Variants in CSRP3 observed in about 807,000 individuals in gnomAD.
CSRP3 encodes the protein cysteine and glycine-rich protein 3.
A neutral mutation model predicts 24.3 loss-of-function variants in CSRP3; 24 were observed. That is an observed-to-expected ratio of 0.99 (90% CI 0.71 to 1.39). The LOEUF (loss-of-function observed/expected upper bound fraction) is 1.39, where lower values mean the gene tolerates loss of function less well. Ranked by LOEUF, CSRP3 falls within the 40% of genes most tolerant of loss-of-function variation. CSRP3 has a pLI of 0.00. For missense variants in CSRP3, 240 were observed against 249.0 expected (o/e 0.96, Z 0.24); for synonymous variants, 105 against 94.0 (o/e 1.12, Z -0.68).
In CSRP3 at chr11:19,182,483, T is replaced by C; in HGVS notation, c.*187A>G. On this transcript the variant is annotated 3_prime_UTR_variant, in exon 6 of 6. Coordinates refer to ENST00000265968, the MANE Select transcript of CSRP3 (RefSeq NM_003476.5). Reference sequence around the variant, plus strand: ...TAAATAATAAAGCATTTGTTATAGATTAAACTTTACATAATTTTCTTCCAA... The same window carrying C: ...TAAATAATAAAGCATTTGTTATAGACTAAACTTTACATAATTTTCTTCCAA... The C allele has an allele frequency of 1.6e-6, 1 of 644,172 alleles. No individual in the cohort carries two copies. Among genetic ancestry groups the C allele is most frequent in the South Asian group, 1.8e-5 (1 of 55,286 alleles). The allele number at this position is 644,172 out of a possible 1,614,324, so 39.9% of individuals were successfully genotyped here. A position where few individuals can be genotyped will look rare whatever the true frequency, so the allele number is the denominator to read the frequency against.
chr11:19,189,917 T>C (rs1053973885), intron 2 of CSRP3, among the ~76,000 whole-genome samples: 2 of 152,212 alleles, frequency 1.3e-5, no homozygotes, highest in African/African-American at 4.8e-5. Flanking sequence ...TGTGTACACT[T>C]GTCTCTACCC....
At chr11:19,188,744 T>TGA (rs1482824577) in intron 2 of CSRP3, among the ~76,000 whole-genome samples, 1 of 152,046 alleles carries the variant, frequency 6.6e-6, no homozygotes, top group Non-Finnish European at 1.5e-5. Context: ...GAGCACTTTC[T>TGA]GTACTTACCA....
chr11:19,186,015 C>G (rs1850518919), intron 4 of CSRP3, among the ~76,000 whole-genome samples: 1 of 152,144 alleles, frequency 6.6e-6, no homozygotes, highest in Admixed American at 6.5e-5. Flanking sequence ...TCAAACTGCA[C>G]CAGTTCCAGC....
intron 3 of CSRP3, 63 bp downstream of exon 3, chr11:19,188,073 G>A (rs1253665988): frequency 7.5e-6 from 12 of 1,601,064 alleles, no homozygotes; most frequent in Middle Eastern, 1.7e-4. Context: ...CTATGGGAAC[G>A]AAATGAACTG....
At chr11:19,197,822 CATAT>C (rs5790061) in intron 1 of CSRP3, among the ~76,000 whole-genome samples, 138,458 of 150,758 alleles carry the variant, frequency 0.92, 63,878 homozygotes, top group East Asian at 1. Flanking sequence ...ATCATAGGAA[CATAT>C]ATATATATAT....
In CSRP3 at chr11:19,192,313, C is replaced by T. The variant is rs369736950; in HGVS notation, c.112+24G>A. The T allele has an allele frequency of 8.6e-5, 135 of 1,576,174 alleles. 1 individual carries two copies. The African/African-American group carries it at 1.5e-3, about 18-fold the overall frequency. ...TGATGCTGTCCGGATGCTGAGGGGC[C>T]CCCAGGGTGTCCACCCAACTCACTG... On this transcript the variant is annotated intron_variant, in intron 2 of 5. Transcript: ENST00000265968.
chr11:19,200,440 C>A (rs1368379660), intron 1 of CSRP3, among the ~76,000 whole-genome samples: 1 of 152,160 alleles, frequency 6.6e-6, no homozygotes, highest in African/African-American at 2.4e-5. Context: ...GCTGCTGCAG[C>A]TCCCTCTTCC....
At chr11:19,191,901 C>G (rs779089595) in intron 2 of CSRP3, among the ~76,000 whole-genome samples, 7 of 152,206 alleles carry the variant, frequency 4.6e-5, no homozygotes, top group Non-Finnish European at 8.8e-5. Flanking sequence ...TAGGTTCTCT[C>G]TCAGACAAGA....
chr11:19,184,897 C>G lies in CSRP3; in HGVS notation c.508+55G>C. ...TCCAGGCATGAACGTAATTTCCTCT[C>G]CCAAGGGCCCTTTTAGGGAAAACAT... On this transcript the variant is annotated intron_variant, in intron 5 of 5. Coordinates refer to ENST00000265968, the MANE Select transcript of CSRP3 (RefSeq NM_003476.5). 3.0e-6 allele frequency: 4 copies of G among 1,330,926 alleles called. No individual in the cohort carries two copies. The South Asian group carries it at 4.7e-5, about 16-fold the overall frequency. 82.4% of individuals were successfully genotyped at this position (1,330,926 alleles called of 1,614,324 possible).
intron 1 of CSRP3, among the ~76,000 whole-genome samples, chr11:19,201,001 G>A (rs1391014471): frequency 1.3e-5 from 2 of 152,144 alleles, no homozygotes; most frequent in Non-Finnish European, 1.5e-5. Flanking sequence ...CCTCCTTCTT[G>A]GAGGAGTCAC....
intron 1 of CSRP3, among the ~76,000 whole-genome samples, chr11:19,200,502 C>G (rs898798988): frequency 2.0e-5 from 3 of 152,084 alleles, no homozygotes. Context: ...CTTTCCTTCC[C>G]CCCTTCTCTC....
rs1227268942 is a variant in CSRP3 at position 19,182,352 on chromosome 11, G to T, written c.*318C>A. 4 of 322,964 alleles carry T rather than the reference G, an allele frequency of 1.2e-5. No individual in the cohort carries two copies. The highest frequency in any genetic ancestry group is 1.1e-4 in the East Asian group (2 of 17,852). 20.0% of individuals were successfully genotyped at this position (322,964 alleles called of 1,614,324 possible). ...TTATATGCTCTGCAACTCGTTTTTT[G>T]AACTAGCTTTATGTTTTTGAAAATT... On this transcript the variant is annotated 3_prime_UTR_variant, in exon 6 of 6. Transcript: ENST00000265968.
rs553621998 is a variant in CSRP3 at position 19,182,057 on chromosome 11, C to A, written c.*613G>T. On this transcript the variant is annotated 3_prime_UTR_variant, in exon 6 of 6. Coordinates refer to ENST00000265968, the MANE Select transcript of CSRP3 (RefSeq NM_003476.5). ...ATTTATAATACAGAGGCAAATGCCA[C>A]GCTTTATTGTCATTTCTGAGTTTTC... The A allele has an allele frequency of 6.5e-6, 1 of 152,806 alleles. No individual in the cohort carries two copies. The highest frequency in any genetic ancestry group is 2.4e-5 in the African/African-American group (1 of 41,444). The allele number at this position is 152,806 out of a possible 1,614,324, so 9.5% of individuals were successfully genotyped here. A position where few individuals can be genotyped will look rare whatever the true frequency, so the allele number is the denominator to read the frequency against.
At chr11:19,182,804 C>G in intron 5 of CSRP3, 58 bp from the exon 6 acceptor site, 3 of 1,189,412 alleles carry the variant, frequency 2.5e-6, no homozygotes, top group Admixed American at 1.7e-5. Flanking sequence ...CCATTTTTTT[C>G]AGGGCTTTCT....
Position 19,182,637 on chromosome 11 carries a change from G to C in CSRP3, c.*33C>G. The C allele has an allele frequency of 6.3e-7, 1 of 1,577,122 alleles. No individual in the cohort carries two copies. The highest frequency in any genetic ancestry group is 1.1e-5 in the South Asian group (1 of 90,354). On this transcript the variant is annotated 3_prime_UTR_variant, in exon 6 of 6. Transcript: ENST00000265968. ...CAGGATTACTTGGCAAGTGTTTTAG[G>C]CTCGCAAAAAATCTGAGAAACGGCG... is the stretch of plus-strand genomic sequence containing the variant.
intron 1 of CSRP3, among the ~76,000 whole-genome samples, chr11:19,199,194 TG>T (rs990467034): frequency 8.6e-5 from 13 of 151,782 alleles, no homozygotes; most frequent in African/African-American, 3.1e-4. Context: ...CCAGGGGCCC[TG>T]TAGTCTGGGG....
chr11:19,193,984 G>A (rs1245370764), intron 1 of CSRP3, among the ~76,000 whole-genome samples: 1 of 152,072 alleles, frequency 6.6e-6, no homozygotes, highest in Admixed American at 6.6e-5. Context: ...ATTTTCACTG[G>A]GATCCTCTGG....
At chr11:19,196,075 C>T (rs894567884) in intron 1 of CSRP3, among the ~76,000 whole-genome samples, 4 of 152,092 alleles carry the variant, frequency 2.6e-5, no homozygotes, top group Admixed American at 1.3e-4. Context: ...ACATCCTGGC[C>T]AGCATGGTGA....
At chr11:19,201,818 C>T (rs1044074992) in intron 1 of CSRP3, 136 bp downstream of exon 1, 7 of 152,172 alleles carry the variant, frequency 4.6e-5, no homozygotes, top group Non-Finnish European at 1.0e-4. Flanking sequence ...CAACTTGAGC[C>T]TCCTTGCACA....
Sources: gnomAD v4.1 joint callset for allele counts (sites outside exome capture counted in the v4.1 genomes callset) on GRCh38, gnomAD v4.1.1 for gene constraint, MANE v1.5 for transcripts, NCBI Gene and HGNC (gene_info 2026-07-23, HGNC 2026-07-21) for gene names.